The following HEATR5B variants were observed in gnomAD, a reference collection of about 807,000 sequenced individuals.
HEATR5B encodes HEAT repeat containing 5B.
HEATR5B carries 156 observed loss-of-function variants against 224.1 expected under a neutral mutation model. That is an observed-to-expected ratio of 0.70 (90% CI 0.61 to 0.80). HEATR5B has a LOEUF of 0.80. Among genes scored for constraint, HEATR5B ranks in the 30% least tolerant of loss-of-function variants. The probability of loss-of-function intolerance (pLI) is 0.00; values close to 1 mark genes in which losing one functional copy is unlikely to be tolerated. For missense variants in HEATR5B, 2,323 were observed against 2,535.5 expected (o/e 0.92, Z 1.80); for synonymous variants, 1,027 against 893.0 (o/e 1.15, Z -2.68).
At chr2:37,029,760 G>C (rs992071468) in intron 22 of HEATR5B, among the ~76,000 whole-genome samples, 5 of 151,912 alleles carry the variant, frequency 3.3e-5, no homozygotes, top group Non-Finnish European at 7.4e-5. Flanking sequence ...CCAAGATGGT[G>C]AAATCCTGCC....
chr2:37,013,028 C>T (rs956997680), intron 27 of HEATR5B, among the ~76,000 whole-genome samples: 1 of 152,096 alleles, frequency 6.6e-6, no homozygotes, highest in African/African-American at 2.4e-5. Context: ...CAACTGCTAA[C>T]CTGACAGAGC....
chr2:37,006,350 T>TAA (rs1226224736), intron 29 of HEATR5B, among the ~76,000 whole-genome samples: 2 of 152,290 alleles, frequency 1.3e-5, no homozygotes, highest in East Asian at 3.9e-4. Flanking sequence ...TCTTAAATGT[T>TAA]AAAAAAGCAT....
chr2:37,038,906 G>A, intron 20 of HEATR5B, among the ~76,000 whole-genome samples: 1 of 124,028 alleles, frequency 8.1e-6, no homozygotes, highest in African/African-American at 3.0e-5. Context: ...TCTCCCTGGG[G>A]TGGGGGGGGT....
chr2:37,061,111 C>T (rs1313512730), intron 11 of HEATR5B, among the ~76,000 whole-genome samples: 2 of 152,032 alleles, frequency 1.3e-5, no homozygotes, highest in African/African-American at 4.8e-5. Context: ...TTTTCATATA[C>T]ATATGTATAT....
At chr2:37,059,022 A>G (rs1401327374) in intron 12 of HEATR5B, 35 bp from the exon 13 acceptor site, 1 of 1,303,680 alleles carries the variant, frequency 7.7e-7, no homozygotes, top group Non-Finnish European at 1.1e-6. Context: ...GATTTGGAGT[A>G]GCTTTTGTGA....
intron 5 of HEATR5B, among the ~76,000 whole-genome samples, chr2:37,074,389 T>C (rs973050383): frequency 7.1e-6 from 1 of 141,270 alleles, no homozygotes; most frequent in African/African-American, 2.6e-5. Flanking sequence ...AAACAAAAAA[T>C]TTTGATTCAA....
At chr2:37,054,193 T>C (rs2110995) in intron 16 of HEATR5B, among the ~76,000 whole-genome samples, 12 of 15,754 alleles carry the variant, frequency 7.6e-4, no homozygotes, top group South Asian at 2.2e-3. Context: ...GATTTCTCTG[T>C]TTTTTTTTTT....
chr2:37,054,229 T>C (rs1421615184), intron 16 of HEATR5B, among the ~76,000 whole-genome samples: 2 of 148,216 alleles, frequency 1.3e-5, no homozygotes, highest in Non-Finnish European at 3.0e-5. Context: ...AGTTTCGCTC[T>C]TGTTGCCCAG....
At chr2:37,063,988 A>G (rs1671439163) in intron 10 of HEATR5B, among the ~76,000 whole-genome samples, 1 of 151,950 alleles carries the variant, frequency 6.6e-6, no homozygotes, top group African/African-American at 2.4e-5. Context: ...ATTTTTCTGT[A>G]TTTTTAGTAG....
chr2:37,056,675 C>A, intron 15 of HEATR5B, 60 bp from the exon 16 acceptor site: 2 of 1,390,638 alleles, frequency 1.4e-6, no homozygotes, highest in South Asian at 1.4e-5. Context: ...ACTTATTAAA[C>A]ATTGGGAATG....
intron 35 of HEATR5B, among the ~76,000 whole-genome samples, chr2:36,987,159 C>T (rs1164241333): frequency 6.6e-6 from 1 of 152,102 alleles, no homozygotes; most frequent in Non-Finnish European, 1.5e-5. Context: ...CCAGGTGCAG[C>T]GGCTCACGCT....
chr2:37,010,494 T>TC (rs57533620), intron 27 of HEATR5B, among the ~76,000 whole-genome samples: 39,063 of 150,896 alleles, frequency 0.26, 5,420 homozygotes, highest in Non-Finnish European at 0.3. Flanking sequence ...CATGCTTGTT[T>TC]CCCCCCTAAA....
intron 35 of HEATR5B, among the ~76,000 whole-genome samples, chr2:36,985,940 T>C (rs1275806449): frequency 6.6e-6 from 1 of 152,108 alleles, no homozygotes; most frequent in East Asian, 1.9e-4. Context: ...ACAAATGATA[T>C]ATATATTCTT....
chr2:37,001,397 CA>C (rs1365031877), intron 32 of HEATR5B, among the ~76,000 whole-genome samples: 1 of 152,062 alleles, frequency 6.6e-6, no homozygotes, highest in Non-Finnish European at 1.5e-5. Flanking sequence ...CCTCTGCTTG[CA>C]AAACTCCAAA....
intron 22 of HEATR5B, among the ~76,000 whole-genome samples, chr2:37,031,439 T>C (rs1459940250): frequency 4.6e-5 from 7 of 150,542 alleles, no homozygotes; most frequent in Non-Finnish European, 8.9e-5. Context: ...TCTTTCTTTT[T>C]TTTTTTTTTT....
intron 24 of HEATR5B, among the ~76,000 whole-genome samples, chr2:37,022,581 C>A (rs368977653): frequency 2.6e-4 from 40 of 152,294 alleles, no homozygotes; most frequent in African/African-American, 9.1e-4. Context: ...TCCAATAAAA[C>A]TTTATTTACA....
At chr2:37,071,270 G>T (rs753033394) in intron 6 of HEATR5B, among the ~76,000 whole-genome samples, 1 of 152,102 alleles carries the variant, frequency 6.6e-6, no homozygotes, top group Non-Finnish European at 1.5e-5. Flanking sequence ...AAAACATCTG[G>T]TTCTCTTTCT....
At chr2:37,072,370 G>A (rs1671958342) in intron 5 of HEATR5B, 89 bp from the exon 6 acceptor site, 1 of 824,744 alleles carries the variant, frequency 1.2e-6, no homozygotes, top group Non-Finnish European at 1.9e-6. Flanking sequence ...CACCTCTCCT[G>A]AGATAACCAA....
intron 21 of HEATR5B, among the ~76,000 whole-genome samples, chr2:37,036,112 G>T (rs114727360): frequency 2.6e-5 from 4 of 152,010 alleles, no homozygotes; most frequent in Non-Finnish European, 4.4e-5. Context: ...CGAGAATACC[G>T]TAATTCTTAC....
Sources: allele counts gnomAD v4.1 joint callset (sites outside exome capture counted in the v4.1 genomes callset), GRCh38; gene constraint gnomAD v4.1.1; transcripts MANE v1.5; gene names NCBI Gene and HGNC (gene_info 2026-07-23, HGNC 2026-07-21).